Variants in CST1 observed in about 807,000 individuals in gnomAD.
CST1 encodes cystatin SN, also known as cystatin-SN.
In CST1, 19 loss-of-function variants were observed where a neutral mutation model predicts 10.7. That is an observed-to-expected ratio of 1.78 (90% confidence interval 1.24 to 2.61). CST1 has a LOEUF of 2.61. Ranked by LOEUF, CST1 falls within the 30% of genes most tolerant of loss-of-function variation. The probability of loss-of-function intolerance (pLI) is 0.00; values close to 1 mark genes in which losing one functional copy is unlikely to be tolerated. For missense variants in CST1, 247 were observed against 178.1 expected (o/e 1.39, Z -2.20); for synonymous variants, 95 against 72.8 (o/e 1.31, Z -1.55).
In CST1 at chr20:23,747,691, G is replaced by T; in HGVS notation, c.*125C>A. 1.2e-6 allele frequency: 1 copy of T among 826,448 alleles called. No homozygotes were observed. Among genetic ancestry groups the T allele is most frequent in the Non-Finnish European group, 2.0e-6 (1 of 511,038 alleles). The allele number at this position is 826,448 out of a possible 1,614,324, so 51.2% of individuals were successfully genotyped here. ...ACAAAGGACTCCTGCAGCCTTCTCT[G>T]TCTGTCTCTTGGCGCAGGCACATGG... is the stretch of plus-strand genomic sequence containing the variant. On this transcript the variant is annotated 3_prime_UTR_variant, in exon 3 of 3. Coordinates refer to ENST00000304749, the MANE Select transcript of CST1 (RefSeq NM_001898.3).
rs117238940 is a variant in CST1, at chr20:23,750,752, G to T, written c.115C>A (p.Leu39Ile). 1.0e-4 allele frequency: 161 copies of T among 1,614,164 alleles called. No homozygotes were observed. The Middle Eastern group carries it at 3.1e-3, about 31-fold the overall frequency. The change falls in exon 1 of 3, where the codon CTC (leucine) becomes ATC (isoleucine). Residue 39 changes from leucine (L) to isoleucine (I), a missense_variant. Leu to Ile is a conservative substitution (Grantham distance 5). Transcript: ENST00000304749. ...IIPGGIYNAD[L>I]NDEWVQRALH... Reference sequence around the variant, plus strand: ...GCACGCTGTACCCACTCATCATTGAGGTCTGCGTTATAGATGCCACCCGGG... The same window carrying T: ...GCACGCTGTACCCACTCATCATTGATGTCTGCGTTATAGATGCCACCCGGG...
intron 2 of CST1, among the ~76,000 whole-genome samples, chr20:23,748,588 GA>G (rs1982736673): frequency 6.6e-6 from 1 of 152,134 alleles, no homozygotes; most frequent in Admixed American, 6.5e-5. Context: ...AAAGCAGGCA[GA>G]ATTGACCTTA....
chr20:23,750,353 C>A (rs1982795746), intron 1 of CST1, among the ~76,000 whole-genome samples: 1 of 152,140 alleles, frequency 6.6e-6, no homozygotes, highest in Non-Finnish European at 1.5e-5. Flanking sequence ...CAGCATCAAG[C>A]CCACCCAGAG....
At position 23,750,861 on chromosome 20, in the gene CST1, G is replaced by A. The variant is rs759443369; in HGVS notation, c.6C>T (p.Ala2=). M[A]QYLSTLLLLL... ...GGAGCAGCAGGGTACTCAGATACTG[G>A]GCCATGGTCTCCTCAGAGGCAGAGC... Residue 2 remains alanine, a synonymous_variant, in exon 1 of 3, where the codon GCC becomes GCT. Transcript: ENST00000304749. 10 of 1,607,684 alleles carry A rather than the reference G, an allele frequency of 6.2e-6. No homozygotes were observed. The highest frequency in any genetic ancestry group is 8.5e-6 in the Non-Finnish European group (10 of 1,176,802).
intron 1 of CST1, 47 bp downstream of exon 1, chr20:23,750,592 C>T (rs149310223): frequency 1.3e-6 from 2 of 1,574,386 alleles, no homozygotes; most frequent in Non-Finnish European, 8.7e-7. Flanking sequence ...GGTTGGGGAA[C>T]AAACCAGGCT....
intron 2 of CST1, among the ~76,000 whole-genome samples, chr20:23,748,320 G>A (rs996345211): frequency 1.3e-5 from 2 of 152,096 alleles, no homozygotes; most frequent in African/African-American, 4.8e-5. Context: ...TGGGGCATGG[G>A]GCAAGGGCAA....
rs1982696320 is a variant in CST1, at chr20:23,747,635, A to T, written c.*181T>A. On this transcript the variant is annotated 3_prime_UTR_variant, in exon 3 of 3. Coordinates refer to ENST00000304749, the MANE Select transcript of CST1 (RefSeq NM_001898.3). ...ACCAGGGCTATTAGAAGCAAGAAGG[A>T]AGGAGGGAGGGCAGAGCGCCCTGCT... 5 of 612,274 alleles carry T rather than the reference A, an allele frequency of 8.2e-6. No homozygotes were observed. The South Asian group carries it at 9.9e-5, about 12-fold the overall frequency. The allele number at this position is 612,274 out of a possible 1,614,324, so 37.9% of individuals were successfully genotyped here. A position where few individuals can be genotyped will look rare whatever the true frequency, so the allele number is the denominator to read the frequency against.
chr20:23,749,261 C>T (rs992762827), intron 1 of CST1, 132 bp from the exon 2 acceptor site: 6 of 806,566 alleles, frequency 7.4e-6, no homozygotes, highest in Middle Eastern at 2.3e-4. Flanking sequence ...GCACACAAGC[C>T]CCCTCTTCCT....
intron 1 of CST1, among the ~76,000 whole-genome samples, chr20:23,749,513 A>G (rs539555482): frequency 9.2e-5 from 14 of 152,262 alleles, no homozygotes; most frequent in African/African-American, 3.4e-4. Context: ...ACACACAGAT[A>G]TTTTGGATCA....
At chr20:23,749,196 C>T in intron 1 of CST1, 67 bp from the exon 2 acceptor site, 1 of 1,400,500 alleles carries the variant, frequency 7.1e-7, no homozygotes, top group Non-Finnish European at 1.0e-6. Context: ...TTCACTGTGG[C>T]TGAGTCACTG....
Position 23,749,170 on chromosome 20 carries a change from A to G in CST1, c.229-41T>C, listed in dbSNP as rs373733417. ...AACAGGACAGCGCCCCCATCAGTTC[A>G]TGCACTCACAGGCACTTCACTGTGG... On this transcript the variant is annotated intron_variant, in intron 1 of 2. Transcript: ENST00000304749. 4.4e-6 allele frequency: 7 copies of G among 1,600,642 alleles called. No individual in the cohort carries two copies. In the African/African-American group the frequency reaches 8.0e-5, roughly 18 times the overall value.
At chr20:23,750,532 G>A in intron 1 of CST1, 107 bp downstream of exon 1, 2 of 1,022,970 alleles carry the variant, frequency 2.0e-6, no homozygotes, top group African/African-American at 1.6e-5. Flanking sequence ...ATGAATCTGA[G>A]CATTAGATCA....
chr20:23,747,844 A>G lies in CST1; in HGVS notation c.398T>C (p.Leu133Pro), dbSNP rs770299114. The G allele has an allele frequency of 2.5e-6, 4 of 1,614,034 alleles. No individual in the cohort carries two copies. In the East Asian group the frequency reaches 8.9e-5, roughly 36 times the overall value. Residue 133 changes from leucine (L) to proline (P), a missense_variant, in exon 3 of 3, where the codon CTG becomes CCG. Physicochemically the swap from Leu to Pro is moderately conservative, Grantham distance 98. Coordinates refer to ENST00000304749, the MANE Select transcript of CST1 (RefSeq NM_001898.3). ...YEVPWENRRS[L>P]VKSRCQES ...GGATTCTTGACACCTGGATTTCACC[A>G]GGGACCTTCTGTTCTCCCAGGGAAC... is the stretch of plus-strand genomic sequence containing the variant.
intron 1 of CST1, 96 bp from the exon 2 acceptor site, chr20:23,749,225 G>A (rs979455366): frequency 2.0e-5 from 19 of 927,968 alleles, no homozygotes; most frequent in Admixed American, 7.2e-5. Flanking sequence ...TGGGGGCTTC[G>A]TGAGCTGCCC....
At chr20:23,748,746 C>T (rs1178216954) in intron 2 of CST1, among the ~76,000 whole-genome samples, 1 of 151,804 alleles carries the variant, frequency 6.6e-6, no homozygotes, top group Non-Finnish European at 1.5e-5. Flanking sequence ...GCCCCATACA[C>T]CCCCCACACA....
chr20:23,749,098 A>G lies in CST1; in HGVS notation c.260T>C (p.Val87Ala), dbSNP rs1456833187. 4 of 1,613,966 alleles carry G rather than the reference A, an allele frequency of 2.5e-6. No individual in the cohort carries two copies. Among genetic ancestry groups the G allele is most frequent in the Middle Eastern group, 1.6e-4 (1 of 6,082 alleles). Residue 87 changes from valine (V) to alanine (A), a missense_variant, in exon 2 of 3, where the codon GTA becomes GCA. Val to Ala is a moderately conservative substitution (Grantham distance 64, BLOSUM62 0). Transcript: ENST00000304749. ...TVGGVNYFFDVEVGRTICTKS... is the reference protein window; with the variant it reads ...TVGGVNYFFDAEVGRTICTKS... ...GGTACATATGGTGCGGCCCACCTCT[A>G]CGTCGAAGAAGTAATTCACCCCCCC...
chr20:23,750,787 T>C lies in CST1; in HGVS notation c.80A>G (p.Asp27Gly). 6.2e-7 allele frequency: 1 copy of C among 1,614,120 alleles called. No individual in the cohort carries two copies. The highest frequency in any genetic ancestry group is 8.5e-7 in the Non-Finnish European group (1 of 1,180,004). The stretch of plus-strand genomic sequence containing the variant: ...ATAGATGCCACCCGGGATTATCCTA[T>C]CCTCCTCCTTGGGGCTCCAGGCCAG... ...VALAWSPKEE[D>G]RIIPGGIYNA... is the part of the protein sequence containing the mutation. The change falls in exon 1 of 3, where the codon GAT becomes GGT. Residue 27 changes from aspartate to glycine, a missense_variant. By Grantham distance (94) the Asp-to-Gly change is moderately conservative. Transcript: ENST00000304749.
At chr20:23,750,420 C>G (rs1243703748) in intron 1 of CST1, among the ~76,000 whole-genome samples, 4 of 152,200 alleles carry the variant, frequency 2.6e-5, no homozygotes, top group African/African-American at 4.8e-5. Context: ...AGTCATGGTA[C>G]AGACACAGTG....
At chr20:23,748,990 G>T (rs368289519) in intron 2 of CST1, 26 bp downstream of exon 2, 17 of 1,613,724 alleles carry the variant, frequency 1.1e-5, no homozygotes, top group African/African-American at 8.0e-5. Context: ...TGCATGACTG[G>T]CCCGGGACCT....
Sources: gnomAD v4.1 joint callset for allele counts (sites outside exome capture counted in the v4.1 genomes callset) on GRCh38, gnomAD v4.1.1 for gene constraint, MANE v1.5 for transcripts, NCBI Gene and HGNC (gene_info 2026-07-23, HGNC 2026-07-21) for gene names.